SMAP1: variants seen among roughly 807,000 people sequenced by gnomAD.
SMAP1 encodes stromal membrane-associated protein 1.
In SMAP1, 24 loss-of-function variants were observed where a neutral mutation model predicts 58.5. That is an observed-to-expected ratio of 0.41 (90% confidence interval 0.30 to 0.58). The LOEUF (loss-of-function observed/expected upper bound fraction) is 0.58, where lower values mean the gene tolerates loss of function less well. Among genes scored for constraint, SMAP1 ranks in the 20% least tolerant of loss-of-function variants. SMAP1 has a pLI of 0.29. For missense variants in SMAP1, 563 were observed against 566.3 expected (o/e 0.99, Z 0.06); for synonymous variants, 216 against 196.6 (o/e 1.10, Z -0.82).
At chr6:70,781,181 T>A (rs1413441960) in intron 4 of SMAP1, among the ~76,000 whole-genome samples, 1 of 152,186 alleles carries the variant, frequency 6.6e-6, no homozygotes, top group Non-Finnish European at 1.5e-5. Flanking sequence ...AAAATTTTTT[T>A]AAGTTTTCCA....
At chr6:70,691,548 C>A (rs1767169173) in intron 1 of SMAP1, among the ~76,000 whole-genome samples, 1 of 152,100 alleles carries the variant, frequency 6.6e-6, no homozygotes, top group Non-Finnish European at 1.5e-5. Context: ...AGATCTTACT[C>A]ATTCTAACTA....
chr6:70,779,762 T>A (rs1767686135), intron 4 of SMAP1, among the ~76,000 whole-genome samples: 1 of 152,164 alleles, frequency 6.6e-6, no homozygotes, highest in Admixed American at 6.6e-5. Flanking sequence ...AGAACTGCCC[T>A]TGTGAGGGAT....
chr6:70,738,786 C>T (rs1275906082), intron 2 of SMAP1, among the ~76,000 whole-genome samples: 1 of 152,098 alleles, frequency 6.6e-6, no homozygotes, highest in East Asian at 1.9e-4. Flanking sequence ...TAAAAAACAA[C>T]TAAAACTACA....
intron 4 of SMAP1, among the ~76,000 whole-genome samples, chr6:70,790,204 G>C (rs1768283085): frequency 6.6e-6 from 1 of 152,118 alleles, no homozygotes; most frequent in African/African-American, 2.4e-5. Flanking sequence ...GCAGTGGCGT[G>C]ATCTTGGCTC....
At chr6:70,741,309 A>G (rs1409550369) in intron 2 of SMAP1, among the ~76,000 whole-genome samples, 2 of 152,252 alleles carry the variant, frequency 1.3e-5, no homozygotes, top group Non-Finnish European at 2.9e-5. Flanking sequence ...ATACAGTGGG[A>G]ATACAGGCAT....
intron 7 of SMAP1, among the ~76,000 whole-genome samples, chr6:70,846,303 C>T (rs1208700806): frequency 6.6e-6 from 1 of 152,120 alleles, no homozygotes; most frequent in Non-Finnish European, 1.5e-5. Context: ...GAAAGCATTT[C>T]AATTAATCAT....
intron 1 of SMAP1, among the ~76,000 whole-genome samples, chr6:70,682,830 G>C (rs1766776323): frequency 2.0e-5 from 3 of 152,134 alleles, no homozygotes; most frequent in Admixed American, 6.5e-5. Flanking sequence ...TTGAGGTCAT[G>C]AGTTCATAAC....
chr6:70,709,420 C>T (rs1767965712), intron 1 of SMAP1, among the ~76,000 whole-genome samples: 1 of 151,970 alleles, frequency 6.6e-6, no homozygotes, highest in South Asian at 2.1e-4. Flanking sequence ...CTCATTGTAG[C>T]CTTGACTTCC....
At chr6:70,756,287 G>A (rs977226230) in intron 3 of SMAP1, among the ~76,000 whole-genome samples, 1 of 152,078 alleles carries the variant, frequency 6.6e-6, no homozygotes. Flanking sequence ...TGTGTGGCCA[G>A]TGGAGGAAAT....
chr6:70,771,436 T>G (rs944930460), intron 3 of SMAP1, among the ~76,000 whole-genome samples: 2 of 152,240 alleles, frequency 1.3e-5, no homozygotes, highest in African/African-American at 4.8e-5. Context: ...TTTGTTTACC[T>G]AGGCAAGCCT....
intron 1 of SMAP1, among the ~76,000 whole-genome samples, chr6:70,717,597 T>A (rs965748496): frequency 6.6e-6 from 1 of 152,224 alleles, no homozygotes; most frequent in African/African-American, 2.4e-5. Flanking sequence ...TCGGCCAGTT[T>A]CTGGCTTTCT....
At chr6:70,820,449 C>T (rs1341910243) in intron 6 of SMAP1, among the ~76,000 whole-genome samples, 6 of 152,120 alleles carry the variant, frequency 3.9e-5, no homozygotes, top group African/African-American at 1.2e-4. Context: ...CAATGGCTCA[C>T]GCCTGTAGTC....
At position 70,796,545 on chromosome 6, in the gene SMAP1, A is replaced by G. The variant is rs528864224; in HGVS notation, c.496-2112A>G. 9.8e-5 allele frequency among the ~76,000 whole-genome samples: 15 copies of G among 152,348 alleles called. No homozygotes were observed. The South Asian group carries it at 2.7e-3, about 27-fold the overall frequency. On this transcript the variant is annotated intron_variant, in intron 5 of 10. Transcript: ENST00000370455. ...AATAAGTGGTAGTTGTGTTTTGGAAATGAAGGTTTTGATTTGGGAAATGGT... is the reference window on the plus strand; with the variant it reads ...AATAAGTGGTAGTTGTGTTTTGGAAGTGAAGGTTTTGATTTGGGAAATGGT...
chr6:70,710,297 C>T (rs1334523775), intron 1 of SMAP1, among the ~76,000 whole-genome samples: 4 of 151,918 alleles, frequency 2.6e-5, no homozygotes, highest in African/African-American at 9.7e-5. Flanking sequence ...TAGAGACCAT[C>T]CTGGCCAACA....
chr6:70,835,260 A>AG (rs1770530440), intron 6 of SMAP1, among the ~76,000 whole-genome samples: 1 of 151,490 alleles, frequency 6.6e-6, no homozygotes, highest in African/African-American at 2.4e-5. Context: ...TCAAAAAAAA[A>AG]AAAAAAAAAA....
At position 70,723,929 on chromosome 6, in the gene SMAP1, A is replaced by G. The variant is rs1338687838; in HGVS notation, c.119-8449A>G. ...TCTTTCAAAGGTTTTATTTTCTATT[A>G]TGTTATTGGTTTGCTTGGTTCTACA... On this transcript the variant is annotated intron_variant, in intron 1 of 10. Transcript: ENST00000370455. 6.6e-5 allele frequency among the ~76,000 whole-genome samples: 10 copies of G among 151,868 alleles called. 1 individual carries two copies. The highest frequency in any genetic ancestry group is 6.6e-4 in the Admixed American group (10 of 15,252).
At chr6:70,788,787 G>T (rs1264707191) in intron 4 of SMAP1, among the ~76,000 whole-genome samples, 1 of 152,186 alleles carries the variant, frequency 6.6e-6, no homozygotes, top group Non-Finnish European at 1.5e-5. Flanking sequence ...GCCTGATTAA[G>T]GAGTTTGTAC....
At chr6:70,794,052 A>T (rs1768490328) in intron 5 of SMAP1, among the ~76,000 whole-genome samples, 1 of 151,734 alleles carries the variant, frequency 6.6e-6, no homozygotes, top group Non-Finnish European at 1.5e-5. Context: ...TATTTAAATC[A>T]CTCAAGTATA....
intron 2 of SMAP1, among the ~76,000 whole-genome samples, chr6:70,736,101 C>A (rs892604570): frequency 2.0e-5 from 3 of 151,934 alleles, no homozygotes; most frequent in East Asian, 3.9e-4. Context: ...ATATTTTTAT[C>A]TGTTATTTAT....
Sources: gnomAD v4.1 joint callset for allele counts (sites outside exome capture counted in the v4.1 genomes callset) on GRCh38, gnomAD v4.1.1 for gene constraint, MANE v1.5 for transcripts, NCBI Gene and HGNC (gene_info 2026-07-23, HGNC 2026-07-21) for gene names.